The following CSRNP3 variants were observed in gnomAD, a reference collection of about 807,000 sequenced individuals.
CSRNP3 encodes cysteine and serine rich nuclear protein 3.
CSRNP3 carries 12 observed loss-of-function variants against 48.0 expected under a neutral mutation model. The observed-to-expected ratio is 0.25, with a 90% CI of 0.16 to 0.41. The LOEUF (loss-of-function observed/expected upper bound fraction) is 0.41. Among genes scored for constraint, CSRNP3 ranks in the 10% least tolerant of loss-of-function variants. The pLI, the probability that CSRNP3 is intolerant of heterozygous loss-of-function variation, is 1.00. For missense variants in CSRNP3, 580 were observed against 724.4 expected (o/e 0.80, Z 2.29); for synonymous variants, 263 against 269.7 (o/e 0.98, Z 0.24).
chr2:165,505,003 C>T (rs1411540539), intron 2 of CSRNP3, among the ~76,000 whole-genome samples: 1 of 152,006 alleles, frequency 6.6e-6, no homozygotes, highest in African/African-American at 2.4e-5. Flanking sequence ...AAAATATAAT[C>T]GTCAACTAGT....
chr2:165,649,310 A>G (rs965853342), intron 4 of CSRNP3, among the ~76,000 whole-genome samples: 8 of 152,310 alleles, frequency 5.3e-5, no homozygotes, highest in African/African-American at 1.9e-4. Context: ...AGAAGCTGCA[A>G]TGTGCAAAAG....
In CSRNP3 at chr2:165,643,723, G is replaced by T. The variant is rs142205802; in HGVS notation, c.149-14038G>T. 5.9e-4 allele frequency among the ~76,000 whole-genome samples: 90 copies of T among 152,116 alleles called. No homozygotes were observed. The East Asian group carries it at 8.5e-3, about 14-fold the overall frequency. ...TCATATTTTTATAAAATTTAAAATC[G>T]TCTTTGCTTATTTCTGCTCCTTCTC... On this transcript the variant is annotated intron_variant, in intron 4 of 6. Coordinates refer to ENST00000651982, the MANE Select transcript of CSRNP3 (RefSeq NM_001172173.2).
intron 4 of CSRNP3, among the ~76,000 whole-genome samples, chr2:165,642,064 T>C (rs1470362240): frequency 6.7e-6 from 1 of 150,048 alleles, no homozygotes; most frequent in Non-Finnish European, 1.5e-5. Flanking sequence ...TTTGGGATGT[T>C]TCTATGCATC....
rs1449079779 is a variant in CSRNP3 at position 165,657,831 on chromosome 2, C to T, written c.219C>T (p.Tyr73=). 1 of 1,613,980 alleles carries T rather than the reference C, an allele frequency of 6.2e-7. No homozygotes were observed. Among genetic ancestry groups the T allele is most frequent in the African/African-American group, 1.3e-5 (1 of 74,906 alleles). ...TACATTTTAGTTGTGTCACCGTGTA[C>T]TACTTCACCAGGAGGCAAGGCTTCA... ...KNVHFSCVTV[Y]YFTRRQGFTS... The change falls in exon 5 of 7, where the codon TAC becomes TAT. Residue 73 remains tyrosine, a synonymous_variant. Transcript: ENST00000651982.
intron 2 of CSRNP3, among the ~76,000 whole-genome samples, chr2:165,516,588 G>A (rs757703771): frequency 5.5e-4 from 83 of 151,998 alleles, no homozygotes; most frequent in Non-Finnish European, 9.0e-4. Flanking sequence ...AATGTTATCT[G>A]TCAATTTTTT....
At position 165,672,856 on chromosome 2, in the gene CSRNP3, G is replaced by C. The variant is rs1687353405; in HGVS notation, c.409-3456G>C. Reference sequence around the variant, plus strand: ...TTAAAGAAGCAAATGGGCACAGACTGGAAGAAAAGACTGGGGAAGGACTTC... The same window carrying C: ...TTAAAGAAGCAAATGGGCACAGACTCGAAGAAAAGACTGGGGAAGGACTTC... On this transcript the variant is annotated intron_variant, in intron 5 of 6. Transcript: ENST00000651982. 4.6e-5 allele frequency among the ~76,000 whole-genome samples: 7 copies of C among 152,124 alleles called. 1 individual carries two copies. In the South Asian group the frequency reaches 1.5e-3, roughly 32 times the overall value.
At position 165,673,866 on chromosome 2, in the gene CSRNP3, C is replaced by G. The variant is rs965494194; in HGVS notation, c.409-2446C>G. On this transcript the variant is annotated intron_variant, in intron 5 of 6. Transcript: ENST00000651982. ...TGAAACCCCATCTCTACTAAAAATA[C>G]AAAAATTAGCTGGGCATGGTGGCAG... Among the ~76,000 whole-genome samples the G allele has an allele frequency of 3.3e-5, 5 of 151,810 alleles. No homozygotes were observed. The South Asian group carries it at 6.2e-4, about 19-fold the overall frequency.
chr2:165,504,367 G>A (rs114621899), intron 2 of CSRNP3, among the ~76,000 whole-genome samples: 2,403 of 152,000 alleles, frequency 0.016, 60 homozygotes, highest in African/African-American at 0.054. Flanking sequence ...GTTTATTCTT[G>A]TGTGAAAGAT....
chr2:165,569,993 C>A (rs774175656), intron 3 of CSRNP3, among the ~76,000 whole-genome samples: 11 of 151,952 alleles, frequency 7.2e-5, no homozygotes, highest in Non-Finnish European at 1.3e-4. Flanking sequence ...TTTAAGCAAT[C>A]ATTAGATTTT....
chr2:165,665,949 AAG>A (rs1687179980), intron 5 of CSRNP3, among the ~76,000 whole-genome samples: 1 of 143,250 alleles, frequency 7.0e-6, no homozygotes, highest in Non-Finnish European at 1.5e-5. Context: ...GGAAGGAAGG[AAG>A]GACGGAAGGA....
chr2:165,513,455 C>T (rs563921412), intron 2 of CSRNP3, among the ~76,000 whole-genome samples: 9 of 152,154 alleles, frequency 5.9e-5, no homozygotes, highest in South Asian at 2.1e-4. Flanking sequence ...TCTGTGATTC[C>T]GACAGGAACA....
chr2:165,549,415 A>G (rs1302644248), intron 3 of CSRNP3, among the ~76,000 whole-genome samples: 2 of 152,086 alleles, frequency 1.3e-5, no homozygotes, highest in African/African-American at 4.8e-5. Flanking sequence ...GTTAATCGCA[A>G]CTGGTTACTA....
intron 4 of CSRNP3, among the ~76,000 whole-genome samples, chr2:165,617,420 G>T (rs1192460549): frequency 1.3e-5 from 2 of 152,018 alleles, no homozygotes; most frequent in African/African-American, 2.4e-5. Flanking sequence ...TTCCTTGGCT[G>T]TAGTCAGTAT....
chr2:165,552,781 G>T (rs1220802764), intron 3 of CSRNP3, among the ~76,000 whole-genome samples: 1 of 151,546 alleles, frequency 6.6e-6, no homozygotes, highest in Admixed American at 6.6e-5. Flanking sequence ...TGCAACCTTC[G>T]CATCCTGGGT....
chr2:165,660,235 A>G (rs1015080697), intron 5 of CSRNP3, among the ~76,000 whole-genome samples: 4 of 152,216 alleles, frequency 2.6e-5, no homozygotes, highest in African/African-American at 9.7e-5. Flanking sequence ...TTATTAAGTG[A>G]TTTTATTTGC....
At chr2:165,493,313 G>C (rs1340510548) in intron 1 of CSRNP3, among the ~76,000 whole-genome samples, 1 of 151,980 alleles carries the variant, frequency 6.6e-6, no homozygotes, top group African/African-American at 2.4e-5. Context: ...CCTCTCCTTG[G>C]TATCATATAT....
chr2:165,623,955 A>T (rs976382002), intron 4 of CSRNP3, among the ~76,000 whole-genome samples: 1 of 152,120 alleles, frequency 6.6e-6, no homozygotes, highest in South Asian at 2.1e-4. Flanking sequence ...TTCTTGTCAT[A>T]GCAGCACATG....
chr2:165,674,680 GAATA>G (rs1356483457), intron 5 of CSRNP3, among the ~76,000 whole-genome samples: 6 of 52,640 alleles, frequency 1.1e-4, no homozygotes, highest in South Asian at 1.2e-3. Context: ...AAATACTTCT[GAATA>G]TATATATATA....
intron 4 of CSRNP3, among the ~76,000 whole-genome samples, chr2:165,642,103 AACACACAC>A (rs58624766): frequency 0.02 from 2,599 of 132,170 alleles, 45 homozygotes; most frequent in African/African-American, 0.045. Flanking sequence ...CACACACACA[AACACACAC>A]ACACACACAC....
Sources: gnomAD v4.1 joint callset for allele counts (sites outside exome capture counted in the v4.1 genomes callset) on GRCh38, gnomAD v4.1.1 for gene constraint, MANE v1.5 for transcripts, NCBI Gene and HGNC (gene_info 2026-07-23, HGNC 2026-07-21) for gene names.